Variants in LMTK2 observed in about 807,000 individuals in gnomAD.
LMTK2 encodes serine/threonine-protein kinase LMTK2.
Under a neutral mutation model 127.5 loss-of-function variants are expected in LMTK2, and 37 were observed. The observed-to-expected ratio is 0.29, with a 90% CI of 0.22 to 0.38. The LOEUF is 0.38. Ranked by LOEUF, LMTK2 falls within the 10% of genes least tolerant of loss-of-function variation. The pLI is 1.00. For missense variants in LMTK2, 1,694 were observed against 1,920.3 expected (o/e 0.88, Z 2.20); for synonymous variants, 819 against 810.1 (o/e 1.01, Z -0.19).
intron 7 of LMTK2, among the ~76,000 whole-genome samples, chr7:98,178,570 C>T (rs6965016): frequency 6.6e-6 from 1 of 152,038 alleles, no homozygotes; most frequent in Non-Finnish European, 1.5e-5. Context: ...ATCCCTGGAC[C>T]TGTTTTTCAA....
chr7:98,122,365 C>CA (rs1282988419), intron 1 of LMTK2, among the ~76,000 whole-genome samples: 1 of 152,152 alleles, frequency 6.6e-6, no homozygotes, highest in Non-Finnish European at 1.5e-5. Context: ...CACCCTCCTC[C>CA]AACCCTGGAT....
At chr7:98,155,987 T>C (rs989049407) in intron 5 of LMTK2, among the ~76,000 whole-genome samples, 40 of 152,062 alleles carry the variant, frequency 2.6e-4, no homozygotes, top group African/African-American at 9.2e-4. Context: ...AGGACTCATA[T>C]CTAGAATTTA....
rs1797602489 is a variant in LMTK2, at chr7:98,194,814, A to T, written c.4107+242A>T. Among the ~76,000 whole-genome samples, 1 of 152,140 alleles carries T rather than the reference A, an allele frequency of 6.6e-6. No individual in the cohort carries two copies. The highest frequency in any genetic ancestry group is 2.1e-4 in the South Asian group (1 of 4,832). On this transcript the variant is annotated intron_variant, in intron 11 of 13. Coordinates refer to ENST00000297293, the MANE Select transcript of LMTK2 (RefSeq NM_014916.4). The surrounding 1 kb of genome is among the most constrained non-coding windows in gnomAD (Gnocchi z 5.4). ...ATGCTCTTCCTGGGTCTTCTAATGG[A>T]GTCTTCCTGAATTAGTCACCCTTTA...
At chr7:98,191,488 G>GT in intron 10 of LMTK2, 126 bp from the exon 11 acceptor site, 2 of 702,830 alleles carry the variant, frequency 2.8e-6, no homozygotes, top group South Asian at 4.1e-5. Context: ...GGAGGCAGAG[G>GT]TTGCAGTGAG....
intron 5 of LMTK2, 131 bp downstream of exon 5, chr7:98,155,007 A>C: frequency 1.6e-6 from 1 of 611,716 alleles, no homozygotes; most frequent in African/African-American, 1.9e-5. Flanking sequence ...CATAAGACCT[A>C]AAATGTCCAG....
At chr7:98,150,777 C>G (rs1056748322) in intron 3 of LMTK2, among the ~76,000 whole-genome samples, 1 of 152,148 alleles carries the variant, frequency 6.6e-6, no homozygotes, top group Non-Finnish European at 1.5e-5. Context: ...CCATATGATT[C>G]TGGTTGCATA....
intron 1 of LMTK2, among the ~76,000 whole-genome samples, chr7:98,117,695 A>C (rs567368646): frequency 6.9e-4 from 105 of 152,262 alleles, no homozygotes; most frequent in African/African-American, 2.0e-3. Flanking sequence ...GGCCAGGCGC[A>C]GTGGCTCATG....
chr7:98,169,759 A>G (rs910206095), intron 6 of LMTK2, among the ~76,000 whole-genome samples: 10 of 152,096 alleles, frequency 6.6e-5, no homozygotes, highest in Non-Finnish European at 4.4e-5. Context: ...TACAACTCCC[A>G]AGCTCCACAG....
At chr7:98,140,844 T>C (rs1242724824) in intron 2 of LMTK2, among the ~76,000 whole-genome samples, 1 of 151,686 alleles carries the variant, frequency 6.6e-6, no homozygotes, top group Non-Finnish European at 1.5e-5. Context: ...GGAGGATTGC[T>C]TGAGATCAGC....
intron 9 of LMTK2, among the ~76,000 whole-genome samples, chr7:98,187,865 G>A (rs1054664968): frequency 1.3e-4 from 20 of 152,102 alleles, no homozygotes; most frequent in African/African-American, 4.8e-4. Context: ...CCAAAGTACT[G>A]GGATTACAGG....
chr7:98,205,104 C>T (rs573601226), intron 13 of LMTK2, among the ~76,000 whole-genome samples: 6 of 152,336 alleles, frequency 3.9e-5, no homozygotes, highest in Admixed American at 2.6e-4. Flanking sequence ...TGGAAGTTTA[C>T]AGATCAAATA....
intron 5 of LMTK2, among the ~76,000 whole-genome samples, chr7:98,158,642 G>GT (rs35052558): frequency 6.6e-6 from 1 of 151,794 alleles, no homozygotes; most frequent in African/African-American, 2.4e-5. Context: ...CAGTATAACA[G>GT]TTTTTTACAT....
chr7:98,115,746 A>G (rs1221255068), intron 1 of LMTK2, among the ~76,000 whole-genome samples: 1 of 152,142 alleles, frequency 6.6e-6, no homozygotes, highest in African/African-American at 2.4e-5. Context: ...CTGAGATCGC[A>G]CCACTGTGCC....
intron 6 of LMTK2, among the ~76,000 whole-genome samples, chr7:98,168,917 G>A (rs890820054): frequency 6.6e-6 from 1 of 152,104 alleles, no homozygotes; most frequent in Non-Finnish European, 1.5e-5. Context: ...GCTATTCTTG[G>A]TGAGCTTTTT....
chr7:98,187,858 A>G (rs1049222559), intron 9 of LMTK2, among the ~76,000 whole-genome samples: 1 of 151,982 alleles, frequency 6.6e-6, no homozygotes. Flanking sequence ...CGTCCTCCCA[A>G]AGTACTGGGA....
intron 6 of LMTK2, among the ~76,000 whole-genome samples, chr7:98,168,274 T>A (rs939301639): frequency 1.3e-5 from 2 of 151,998 alleles, no homozygotes; most frequent in Admixed American, 6.6e-5. Flanking sequence ...AGACGAAGAA[T>A]CCATGGCAAC....
intron 1 of LMTK2, among the ~76,000 whole-genome samples, chr7:98,115,043 A>T (rs923227536): frequency 1.3e-5 from 2 of 152,176 alleles, no homozygotes; most frequent in African/African-American, 4.8e-5. Flanking sequence ...AGGTCAACTT[A>T]TGTGATGTTT....
chr7:98,144,432 CAA>C (rs1194912166), intron 3 of LMTK2, among the ~76,000 whole-genome samples: 10 of 112,982 alleles, frequency 8.9e-5, no homozygotes, highest in Non-Finnish European at 9.5e-5. Context: ...GACTCTGTCT[CAA>C]AAAAAAAAAA....
At chr7:98,203,896 C>T (rs761160254) in intron 12 of LMTK2, 48 bp from the exon 13 acceptor site, 3 of 1,605,416 alleles carry the variant, frequency 1.9e-6, no homozygotes, top group Middle Eastern at 1.7e-4. Flanking sequence ...CCCCCTCTCC[C>T]TCATCACGCA....
Sources: allele counts gnomAD v4.1 joint callset (sites outside exome capture counted in the v4.1 genomes callset), GRCh38; gene constraint gnomAD v4.1.1; non-coding constraint Gnocchi (gnomAD v3.1); transcripts MANE v1.5; gene names NCBI Gene and HGNC (gene_info 2026-07-23, HGNC 2026-07-21).